Variants in MAGI2 observed in about 807,000 individuals in gnomAD.
MAGI2 encodes the protein membrane-associated guanylate kinase, WW and PDZ domain-containing protein 2.
A neutral mutation model predicts 133.3 loss-of-function variants in MAGI2; 35 were observed. The observed-to-expected ratio is 0.26, with a 90% CI of 0.20 to 0.35. MAGI2 has a LOEUF of 0.35. Among genes scored for constraint, MAGI2 ranks in the 10% least tolerant of loss-of-function variants. The pLI, the probability that MAGI2 is intolerant of heterozygous loss-of-function variation, is 1.00. For synonymous variants in MAGI2, 729 were observed against 710.6 expected, an observed-to-expected ratio of 1.03 and a Z score of -0.41; for missense variants, 1,636 against 1,863.4, an observed-to-expected ratio of 0.88 and a Z score of 2.25.
chr7:78,161,681 A>G (rs955045249), intron 15 of MAGI2, among the ~76,000 whole-genome samples: 4 of 145,904 alleles, frequency 2.7e-5, no homozygotes, highest in African/African-American at 7.7e-5. Flanking sequence ...AAAAAAAAAA[A>G]AAAAAAGAAA....
intron 7 of MAGI2, among the ~76,000 whole-genome samples, chr7:78,367,841 A>G (rs1793537868): frequency 6.6e-6 from 1 of 152,208 alleles, no homozygotes; most frequent in African/African-American, 2.4e-5. Flanking sequence ...TATGTTATTT[A>G]AAACATGTAG....
chr7:78,409,011 A>C (rs1797632099), intron 6 of MAGI2, among the ~76,000 whole-genome samples: 1 of 152,054 alleles, frequency 6.6e-6, no homozygotes, highest in Non-Finnish European at 1.5e-5. Context: ...GAGACCAAAG[A>C]CAACAATTAT....
At chr7:78,221,047 C>T (rs1156499314) in intron 10 of MAGI2, among the ~76,000 whole-genome samples, 6 of 152,158 alleles carry the variant, frequency 3.9e-5, no homozygotes, top group Admixed American at 3.9e-4. Flanking sequence ...CTCACTATGC[C>T]ATGTTGCCAG....
rs1457632320 is a variant in MAGI2, at chr7:79,077,593, A to T, written c.302-70387T>A. ...GCCTCTCAAAAAAAAAAAAAAAAAA[A>T]AATAAATAAATAAATAAATTCCCTT... On this transcript the variant is annotated intron_variant, in intron 1 of 21. Coordinates refer to ENST00000354212, the MANE Select transcript of MAGI2 (RefSeq NM_012301.4). 1.5e-4 allele frequency among the ~76,000 whole-genome samples: 11 copies of T among 71,144 alleles called. 1 individual carries two copies. The South Asian group carries it at 3.4e-3, about 22-fold the overall frequency. The allele number at this position is 71,144 out of a possible 152,430, so 46.7% of individuals were successfully genotyped here.
At chr7:78,856,651 G>A (rs1793662929) in intron 2 of MAGI2, among the ~76,000 whole-genome samples, 1 of 152,154 alleles carries the variant, frequency 6.6e-6, no homozygotes, top group Non-Finnish European at 1.5e-5. Flanking sequence ...TTTGGTTACT[G>A]TAGCCTTGTA....
At chr7:78,972,427 G>GA (rs1284499459) in intron 2 of MAGI2, among the ~76,000 whole-genome samples, 7 of 151,572 alleles carry the variant, frequency 4.6e-5, no homozygotes, top group Non-Finnish European at 7.4e-5. Flanking sequence ...TTTATTTTTA[G>GA]AAAAAATTGA....
At chr7:78,884,843 G>A (rs576936951) in intron 2 of MAGI2, among the ~76,000 whole-genome samples, 1 of 151,900 alleles carries the variant, frequency 6.6e-6, no homozygotes, top group African/African-American at 2.4e-5. Context: ...AAAAATAAGT[G>A]TTTCTACTAA....
Position 78,256,323 on chromosome 7 carries a change from T to C in MAGI2, c.1667A>G (p.Gln556Arg), listed in dbSNP as rs371323446. The change falls in exon 10 of 22, where the codon CAG (glutamine) becomes CGG (arginine). Residue 556 changes from glutamine (Q) to arginine (R), a missense_variant. Transcript: ENST00000354212. Reference protein sequence around the residue: ...TYLEYISRTSQSVPDITDRPP... With the variant: ...TYLEYISRTSRSVPDITDRPP... ...CCGATCTGTTATATCTGGAACTGACTGTGAGGTCCGAGAAATGTACTCCAA... is the reference window on the plus strand; with the variant it reads ...CCGATCTGTTATATCTGGAACTGACCGTGAGGTCCGAGAAATGTACTCCAA... 6.2e-7 allele frequency: 1 copy of C among 1,613,988 alleles called. No homozygotes were observed. Among genetic ancestry groups the C allele is most frequent in the Non-Finnish European group, 8.5e-7 (1 of 1,180,008 alleles).
chr7:78,159,122 C>T (rs574972969), intron 16 of MAGI2, among the ~76,000 whole-genome samples: 13 of 152,316 alleles, frequency 8.5e-5, no homozygotes, highest in African/African-American at 2.2e-4. Context: ...CTCGGGGAGA[C>T]TGATTTGAGT....
chr7:78,371,322 T>C (rs1793891813), intron 6 of MAGI2, among the ~76,000 whole-genome samples: 1 of 151,864 alleles, frequency 6.6e-6, no homozygotes, highest in African/African-American at 2.4e-5. Flanking sequence ...CAATTAATAT[T>C]ATGGATATTT....
chr7:78,141,789 A>G (rs576523308), intron 16 of MAGI2, among the ~76,000 whole-genome samples: 41 of 152,310 alleles, frequency 2.7e-4, no homozygotes, highest in Non-Finnish European at 1.6e-4. Context: ...ATGGTCAGAC[A>G]GGAGAATGGG....
chr7:78,056,416 C>A (rs182855427), intron 21 of MAGI2, among the ~76,000 whole-genome samples: 1 of 152,218 alleles, frequency 6.6e-6, no homozygotes, highest in East Asian at 1.9e-4. Flanking sequence ...ATGGAATCAG[C>A]CTAAATGCCC....
chr7:79,258,677 T>C (rs1010488620), intron 1 of MAGI2, among the ~76,000 whole-genome samples: 34 of 152,218 alleles, frequency 2.2e-4, no homozygotes, highest in African/African-American at 6.8e-4. Flanking sequence ...TGGAGCACAG[T>C]GGCTAATCAC....
At chr7:78,702,184 A>G (rs1270822885) in intron 2 of MAGI2, among the ~76,000 whole-genome samples, 1 of 152,028 alleles carries the variant, frequency 6.6e-6, no homozygotes, top group Non-Finnish European at 1.5e-5. Flanking sequence ...TGGGAAATAC[A>G]TTATTCATTT....
intron 9 of MAGI2, among the ~76,000 whole-genome samples, chr7:78,286,213 C>T (rs1371386038): frequency 1.3e-5 from 2 of 151,886 alleles, no homozygotes; most frequent in African/African-American, 4.8e-5. Flanking sequence ...TTTTTCCCTC[C>T]CTCTCTCTAT....
chr7:78,747,602 A>T (rs1823046809), intron 2 of MAGI2, among the ~76,000 whole-genome samples: 1 of 152,166 alleles, frequency 6.6e-6, no homozygotes, highest in South Asian at 2.1e-4. Flanking sequence ...GCTCCTCAGT[A>T]AGTTTAAGAA....
intron 1 of MAGI2, among the ~76,000 whole-genome samples, chr7:79,375,800 C>T (rs10257558): frequency 0.032 from 4,896 of 151,886 alleles, 252 homozygotes; most frequent in African/African-American, 0.11. Flanking sequence ...TTTGAGTTAT[C>T]AAATTATAGA....
At chr7:78,859,147 T>C (rs1177969415) in intron 2 of MAGI2, among the ~76,000 whole-genome samples, 1 of 152,190 alleles carries the variant, frequency 6.6e-6, no homozygotes, top group Non-Finnish European at 1.5e-5. Context: ...GCACGTGAGA[T>C]GGGTCTCCTG....
At chr7:78,538,616 G>A (rs985155667) in intron 3 of MAGI2, among the ~76,000 whole-genome samples, 25 of 152,104 alleles carry the variant, frequency 1.6e-4, no homozygotes, top group Non-Finnish European at 2.9e-5. Flanking sequence ...TTGTAAAAGG[G>A]GTTGAGTTCT....
Sources: gnomAD v4.1 joint callset for allele counts (sites outside exome capture counted in the v4.1 genomes callset) on GRCh38, gnomAD v4.1.1 for gene constraint, MANE v1.5 for transcripts, NCBI Gene and HGNC (gene_info 2026-07-23, HGNC 2026-07-21) for gene names.